The following AK5 variants were observed in gnomAD, a reference collection of about 807,000 sequenced individuals.
AK5 encodes adenylate kinase isoenzyme 5.
A neutral mutation model predicts 69.5 loss-of-function variants in AK5; 27 were observed. The ratio of observed to expected loss-of-function variants is 0.39; its 90% CI spans 0.29 to 0.54. AK5 has a LOEUF of 0.54. Among genes scored for constraint, AK5 ranks in the 20% least tolerant of loss-of-function variants. AK5 has a pLI of 0.71. For missense variants in AK5, 531 were observed against 700.4 expected, an observed-to-expected ratio of 0.76 and a Z score of 2.73; for synonymous variants, 260 against 244.4, an observed-to-expected ratio of 1.06 and a Z score of -0.60.
rs1478143892 is a variant in AK5 at position 77,449,098 on chromosome 1, C to T, written c.1059+31383C>T. Among the ~76,000 whole-genome samples the T allele has an allele frequency of 6.6e-5, 10 of 152,300 alleles. No homozygotes were observed. The East Asian group carries it at 1.9e-3, about 29-fold the overall frequency. On this transcript the variant is annotated intron_variant, in intron 8 of 13. Transcript: ENST00000354567. The stretch of plus-strand genomic sequence containing the variant: ...CACAGAGTCCCTACTGGGGCACCAC[C>T]TAATGGAGCTATGAGAAGAGGTCCA...
chr1:77,310,305 A>G (rs1393178246), intron 5 of AK5, among the ~76,000 whole-genome samples: 2 of 152,138 alleles, frequency 1.3e-5, no homozygotes, highest in Non-Finnish European at 2.9e-5. Flanking sequence ...CACCAATATC[A>G]TGGTTCCAGT....
chr1:77,393,590 GA>G (rs1648629722), intron 6 of AK5, among the ~76,000 whole-genome samples: 1 of 152,182 alleles, frequency 6.6e-6, no homozygotes, highest in African/African-American at 2.4e-5. Flanking sequence ...CAGAAAACGT[GA>G]TTCTACATAG....
chr1:77,337,581 T>C (rs1185549397), intron 5 of AK5, among the ~76,000 whole-genome samples: 1 of 152,206 alleles, frequency 6.6e-6, no homozygotes, highest in Non-Finnish European at 1.5e-5. Flanking sequence ...ATGTTAACTA[T>C]GAATTTTATA....
intron 10 of AK5, among the ~76,000 whole-genome samples, chr1:77,499,053 C>G (rs1017942763): frequency 6.6e-6 from 1 of 152,150 alleles, no homozygotes; most frequent in Non-Finnish European, 1.5e-5. Flanking sequence ...CAACCCAGCC[C>G]TGTAGGAGAC....
At chr1:77,294,855 C>G (rs1658897021) in intron 3 of AK5, among the ~76,000 whole-genome samples, 1 of 151,902 alleles carries the variant, frequency 6.6e-6, no homozygotes, top group Non-Finnish European at 1.5e-5. Context: ...TAGTGAGACC[C>G]TGTCTCTACA....
intron 13 of AK5, among the ~76,000 whole-genome samples, chr1:77,543,322 G>C (rs1659373866): frequency 6.6e-6 from 1 of 152,152 alleles, no homozygotes; most frequent in Admixed American, 6.5e-5. Flanking sequence ...AAAATTACTT[G>C]TATACCTTGA....
intron 3 of AK5, among the ~76,000 whole-genome samples, chr1:77,295,182 T>C (rs1167210): frequency 0.021 from 3,124 of 152,272 alleles, 113 homozygotes; most frequent in African/African-American, 0.072. Flanking sequence ...GCATGAAATA[T>C]TCAAAGCTGT....
At chr1:77,408,420 G>A (rs1649805279) in intron 6 of AK5, among the ~76,000 whole-genome samples, 1 of 152,034 alleles carries the variant, frequency 6.6e-6, no homozygotes, top group South Asian at 2.1e-4. Context: ...TTGGCCACTT[G>A]TAAGTCTTTT....
intron 8 of AK5, among the ~76,000 whole-genome samples, chr1:77,424,094 C>A (rs1036007943): frequency 6.6e-6 from 1 of 152,192 alleles, no homozygotes; most frequent in African/African-American, 2.4e-5. Flanking sequence ...TACTTTATCA[C>A]AGCATTACTA....
At chr1:77,416,842 A>G (rs532809118) in intron 7 of AK5, among the ~76,000 whole-genome samples, 2 of 152,334 alleles carry the variant, frequency 1.3e-5, no homozygotes, top group East Asian at 1.9e-4. Flanking sequence ...CACAGGATAT[A>G]TAATATTTTA....
At chr1:77,421,596 GCTCTAC>G (rs1354797038) in intron 8 of AK5, among the ~76,000 whole-genome samples, 2 of 152,078 alleles carry the variant, frequency 1.3e-5, no homozygotes, top group Admixed American at 6.6e-5. Context: ...CTAGTCACTG[GCTCTAC>G]CTAGATGCAA....
chr1:77,282,521 G>T, intron 1 of AK5, 148 bp downstream of exon 1: 4 of 1,376,228 alleles, frequency 2.9e-6, no homozygotes, highest in Non-Finnish European at 3.8e-6. Context: ...CTCCCCCGAG[G>T]GTAGTCGCCT....
At chr1:77,555,510 T>C (rs141758415) in intron 13 of AK5, among the ~76,000 whole-genome samples, 182 of 152,286 alleles carry the variant, frequency 1.2e-3, no homozygotes, top group African/African-American at 4.1e-3. Context: ...ACCAGTTCTC[T>C]CCACTTACTT....
chr1:77,292,554 T>C (rs1355409397), intron 2 of AK5, among the ~76,000 whole-genome samples: 3 of 152,176 alleles, frequency 2.0e-5, no homozygotes, highest in African/African-American at 4.8e-5. Context: ...GGGTAGTTAG[T>C]GCTTCTCTGT....
chr1:77,548,083 G>A (rs1327531758), intron 13 of AK5, among the ~76,000 whole-genome samples: 3 of 152,196 alleles, frequency 2.0e-5, no homozygotes, highest in African/African-American at 7.2e-5. Context: ...ACTTTAGGCA[G>A]AATGGAGAGG....
At chr1:77,469,448 G>A (rs972264616) in intron 8 of AK5, among the ~76,000 whole-genome samples, 10 of 152,212 alleles carry the variant, frequency 6.6e-5, no homozygotes, top group South Asian at 2.1e-4. Context: ...CATATGGCCC[G>A]CAGTGAGAGC....
intron 6 of AK5, among the ~76,000 whole-genome samples, chr1:77,374,515 C>T (rs2647526): frequency 0.98 from 148,782 of 151,592 alleles, 73,071 homozygotes; most frequent in East Asian, 1. Context: ...TGGGTCTCTT[C>T]TTCTATAAGT....
At chr1:77,479,664 CTT>C (rs1355346592) in intron 8 of AK5, among the ~76,000 whole-genome samples, 3 of 152,266 alleles carry the variant, frequency 2.0e-5, no homozygotes, top group East Asian at 1.9e-4. Flanking sequence ...CTCTCTCTCT[CTT>C]TGTCAGTTCA....
In AK5 at chr1:77,462,684, G is replaced by A. The variant is rs373960457; in HGVS notation, c.1060-20633G>A. On this transcript the variant is annotated intron_variant, in intron 8 of 13. Coordinates refer to ENST00000354567, the MANE Select transcript of AK5 (RefSeq NM_174858.3). ...TATCATTTTTAATAGCTGCATAAAA[G>A]TAGGAAAAATACAATAATTTGGGTA... 8.5e-5 allele frequency among the ~76,000 whole-genome samples: 13 copies of A among 152,200 alleles called. No homozygotes were observed. In the East Asian group the frequency reaches 2.5e-3, roughly 29 times the overall value.
Sources: gnomAD v4.1 joint callset for allele counts (sites outside exome capture counted in the v4.1 genomes callset) on GRCh38, gnomAD v4.1.1 for gene constraint, MANE v1.5 for transcripts, NCBI Gene and HGNC (gene_info 2026-07-23, HGNC 2026-07-21) for gene names.